MAP3K15: variants seen among roughly 807,000 people sequenced by gnomAD.
The protein encoded by MAP3K15 is MAPK/ERK kinase kinase 15.
Under a neutral mutation model 99.5 loss-of-function variants are expected in MAP3K15, and 124 were observed. That is an observed-to-expected ratio of 1.25 (90% CI 1.08 to 1.45). The LOEUF (loss-of-function observed/expected upper bound fraction) is 1.45, where lower values mean the gene tolerates loss of function less well. Among genes scored for constraint, MAP3K15 ranks in the 40% most tolerant of loss-of-function variants. The pLI, the probability that MAP3K15 is intolerant of heterozygous loss-of-function variation, is 0.00. For synonymous variants in MAP3K15, 494 were observed against 439.6 expected, an observed-to-expected ratio of 1.12 and a Z score of -1.55; for missense variants, 1,242 against 1,079.7, an observed-to-expected ratio of 1.15 and a Z score of -2.11.
At chrX:19,388,627 T>C (rs2063507059) in intron 18 of MAP3K15, among the ~76,000 whole-genome samples, 1 of 111,984 alleles carries the variant, frequency 8.9e-6, no homozygotes, top group Non-Finnish European at 1.9e-5. Flanking sequence ...TATGAGTAGG[T>C]ACAACGAGCA....
chrX:19,417,887 T>C (rs950489092), intron 9 of MAP3K15, among the ~76,000 whole-genome samples: 12 of 111,690 alleles, frequency 1.1e-4, no homozygotes, highest in African/African-American at 3.6e-4. Context: ...TGTTCACCAA[T>C]ATCCGCTGTT....
chrX:19,417,805 C>A (rs1427937875), intron 9 of MAP3K15, among the ~76,000 whole-genome samples: 2 of 112,127 alleles, frequency 1.8e-5, no homozygotes, highest in Non-Finnish European at 1.9e-5. Flanking sequence ...TAGGGGCAGA[C>A]TGACACCTCA....
chrX:19,511,512 G>A, intron 1 of MAP3K15, among the ~76,000 whole-genome samples: 1 of 111,648 alleles, frequency 9.0e-6, no homozygotes, highest in Non-Finnish European at 1.9e-5. Flanking sequence ...CAAAGGATAT[G>A]AACAGACACT....
At position 19,372,802 on chromosome X, in the gene MAP3K15, C is replaced by T. The variant is rs765208791; in HGVS notation, c.2959G>A (p.Glu987Lys). The change falls in exon 22 of 29, where the codon GAA becomes AAA. Residue 987 changes from glutamate (E) to lysine (K), a missense_variant. Transcript: ENST00000338883. ...LSVPDESSAL[E>K]DRGLASSPED... ...GGGGACGAGGCCAAGCCCCGGTCTT[C>T]CAAGGCTGAGCTCTCGTCTGGAACA... 3 of 1,210,175 alleles carry T rather than the reference C, an allele frequency of 2.5e-6. No homozygotes were observed. The South Asian group carries it at 5.3e-5, about 21-fold the overall frequency.
In MAP3K15 at chrX:19,413,054, C is replaced by T. The variant is rs189841049; in HGVS notation, c.1698+303G>A. Among the ~76,000 whole-genome samples the T allele has an allele frequency of 4.2e-3, 462 of 109,115 alleles. 5 individuals carry two copies. The highest frequency in any genetic ancestry group is 0.014 in the African/African-American group (426 of 29,726). 94.8% of individuals were successfully genotyped at this position (109,115 alleles called of 115,157 possible). A position where few individuals can be genotyped will look rare whatever the true frequency, so the allele number is the denominator to read the frequency against. ...CACACCAGCCTGTATCCTCTACCCA[C>T]TTCCCTAAGGTTTAACTATAAAAAA... On this transcript the variant is annotated intron_variant, in intron 11 of 28. Transcript: ENST00000338883.
intron 19 of MAP3K15, among the ~76,000 whole-genome samples, chrX:19,379,082 A>ACCCT (rs1314099755): frequency 9.1e-6 from 1 of 109,637 alleles, no homozygotes; most frequent in African/African-American, 3.3e-5. Context: ...AAGGGAAAGG[A>ACCCT]CCCTCCCCCA....
intron 6 of MAP3K15, among the ~76,000 whole-genome samples, chrX:19,451,437 T>A (rs2064037743): frequency 1.0e-5 from 1 of 95,331 alleles, no homozygotes; most frequent in Non-Finnish European, 2.1e-5. Context: ...ATAGCCAGAA[T>A]ATATATATAT....
At chrX:19,499,707 G>C (rs1425456443) in intron 1 of MAP3K15, among the ~76,000 whole-genome samples, 1 of 111,997 alleles carries the variant, frequency 8.9e-6, no homozygotes, top group South Asian at 3.7e-4. Context: ...TATTGTATGA[G>C]ACCATTTAGA....
chrX:19,488,730 T>A (rs969091433), intron 2 of MAP3K15, 98 bp downstream of exon 2: 10 of 881,767 alleles, frequency 1.1e-5, no homozygotes, highest in Non-Finnish European at 1.6e-5. Context: ...CAAGTCTTTG[T>A]TTTTCTCCAA....
chrX:19,437,712 G>A (rs773138780), intron 6 of MAP3K15, among the ~76,000 whole-genome samples: 24 of 111,573 alleles, frequency 2.2e-4, no homozygotes, highest in African/African-American at 2.9e-4. Flanking sequence ...TGCAAGCTCC[G>A]AGAGGGTGGA....
At chrX:19,377,252 A>C (rs1173529120) in intron 19 of MAP3K15, among the ~76,000 whole-genome samples, 1 of 112,604 alleles carries the variant, frequency 8.9e-6, no homozygotes, top group Non-Finnish European at 1.9e-5. Flanking sequence ...AAGTCAGTAC[A>C]TTTTCAAACC....
At chrX:19,427,145 A>ATT (rs66775152) in intron 7 of MAP3K15, among the ~76,000 whole-genome samples, 6,489 of 102,654 alleles carry the variant, frequency 0.063, 315 homozygotes, top group African/African-American at 0.15. Context: ...ACACCTATGC[A>ATT]TTTTTTTTTT....
chrX:19,400,371 T>C (rs2063598752), intron 14 of MAP3K15, among the ~76,000 whole-genome samples: 1 of 111,773 alleles, frequency 8.9e-6, no homozygotes, highest in Admixed American at 9.6e-5. Context: ...AAATTTTTCT[T>C]AAGCATTCTA....
rs190335333 is a variant in MAP3K15 at position 19,371,117 on chromosome X, C to G, written c.3295-53G>C. On this transcript the variant is annotated intron_variant, in intron 23 of 28. Transcript: ENST00000338883. Reference sequence around the variant, plus strand: ...ACTAAAATCACAAAAATCCAGATTTCCAGTGCATTGCACGGAGAATCACGG... The same window carrying G: ...ACTAAAATCACAAAAATCCAGATTTGCAGTGCATTGCACGGAGAATCACGG... 2.0e-3 allele frequency: 1,946 copies of G among 968,719 alleles called. 1 individual carries two copies. The highest frequency in any genetic ancestry group is 8.9e-3 in the Middle Eastern group (22 of 2,479). The allele number at this position is 968,719 out of a possible 1,213,427, so 79.8% of individuals were successfully genotyped here.
intron 5 of MAP3K15, among the ~76,000 whole-genome samples, chrX:19,458,027 C>T (rs1279940741): frequency 1.8e-5 from 2 of 112,189 alleles, no homozygotes; most frequent in Admixed American, 9.5e-5. Context: ...CAGCCAAGTC[C>T]CCTCTTAGCA....
chrX:19,413,113 TACAC>T (rs377362996), intron 11 of MAP3K15, among the ~76,000 whole-genome samples: 1,278 of 98,638 alleles, frequency 0.013, 9 homozygotes, highest in African/African-American at 0.015. Context: ...AATGTTTTTA[TACAC>T]ACACACACAC....
chrX:19,471,961 G>A (rs1032562273), intron 3 of MAP3K15, among the ~76,000 whole-genome samples: 1 of 111,600 alleles, frequency 9.0e-6, no homozygotes, highest in African/African-American at 3.3e-5. Flanking sequence ...GGTGGCTCAC[G>A]CCTGTAATCC....
rs1602281576 is a variant in MAP3K15 at position 19,409,974 on chromosome X, C to A, written c.1699-1G>T. The A allele has an allele frequency of 1.7e-6, 2 of 1,201,434 alleles. No homozygotes were observed. The highest frequency in any genetic ancestry group is 5.9e-5 in the East Asian group (2 of 33,665). The stretch of plus-strand genomic sequence containing the variant: ...TAAAATTCCATTCGTGCATCTGTTT[C>A]TGCAAGTTATCAAAGACAGAAGTCA... On this transcript the variant is annotated splice_acceptor_variant, in intron 11 of 28. Coordinates refer to ENST00000338883, the MANE Select transcript of MAP3K15 (RefSeq NM_001001671.4). LOFTEE classifies it high-confidence loss of function.
chrX:19,508,274 C>T lies in MAP3K15; in HGVS notation c.361+6627G>A, dbSNP rs770948355. Among the ~76,000 whole-genome samples the T allele has an allele frequency of 2.6e-4, 29 of 111,333 alleles. No individual in the cohort carries two copies. In the East Asian group the frequency reaches 4.9e-3, roughly 19 times the overall value. On this transcript the variant is annotated intron_variant, in intron 1 of 28. Coordinates refer to ENST00000338883, the MANE Select transcript of MAP3K15 (RefSeq NM_001001671.4). ...GCAACCTCTGCCTCCTGGGCTCAAG[C>T]GATTCTCCTGCCTCAGTCTCCTGAG...
Sources: gnomAD v4.1 joint callset for allele counts (sites outside exome capture counted in the v4.1 genomes callset) on GRCh38, gnomAD v4.1.1 for gene constraint, MANE v1.5 for transcripts, NCBI Gene and HGNC (gene_info 2026-07-23, HGNC 2026-07-21) for gene names.